CNTN4: variants seen among roughly 807,000 people sequenced by gnomAD.
The protein encoded by CNTN4 is contactin 4.
In CNTN4, 77 loss-of-function variants were observed where a neutral mutation model predicts 122.5. That is an observed-to-expected ratio of 0.63 (90% CI 0.52 to 0.76). The LOEUF is 0.76. Among genes scored for constraint, CNTN4 ranks in the 30% least tolerant of loss-of-function variants. The pLI is 0.00. For synonymous variants in CNTN4, 512 were observed against 447.0 expected (o/e 1.15, Z -1.83); for missense variants, 1,256 against 1,259.1 (o/e 1.00, Z 0.04).
chr3:2,842,081 C>T (rs1382596386), intron 7 of CNTN4, among the ~76,000 whole-genome samples: 1 of 151,966 alleles, frequency 6.6e-6, no homozygotes, highest in African/African-American at 2.4e-5. Flanking sequence ...ATTGTTGAAG[C>T]CATTTTAAGG....
At chr3:2,463,147 A>G (rs959987923) in intron 3 of CNTN4, among the ~76,000 whole-genome samples, 1 of 152,188 alleles carries the variant, frequency 6.6e-6, no homozygotes, top group Non-Finnish European at 1.5e-5. Context: ...ACAAATGTGA[A>G]AAGGCTGAAG....
intron 3 of CNTN4, among the ~76,000 whole-genome samples, chr3:2,451,491 G>GT (rs994771456): frequency 2.0e-5 from 3 of 148,980 alleles, no homozygotes; most frequent in Admixed American, 2.0e-4. Context: ...GTTGAAATCA[G>GT]TTTTTTTTGT....
chr3:2,580,662 C>A (rs2079894190), intron 4 of CNTN4, among the ~76,000 whole-genome samples: 3 of 152,086 alleles, frequency 2.0e-5, no homozygotes, highest in African/African-American at 7.2e-5. Context: ...TCATTTAGTC[C>A]TTGTGAGTCT....
At chr3:2,228,044 T>A (rs2149527572) in intron 2 of CNTN4, among the ~76,000 whole-genome samples, 1 of 147,614 alleles carries the variant, frequency 6.8e-6, no homozygotes, top group East Asian at 2.1e-4. Context: ...TTCCAAAGAT[T>A]ACTAACAGAA....
intron 13 of CNTN4, among the ~76,000 whole-genome samples, chr3:2,952,145 A>G (rs915465052): frequency 2.6e-5 from 4 of 152,238 alleles, no homozygotes; most frequent in Admixed American, 6.5e-5. Context: ...TTAGAAAAAG[A>G]AAGAGGATGA....
chr3:2,267,611 G>A (rs76882992), intron 2 of CNTN4, among the ~76,000 whole-genome samples: 16,252 of 152,030 alleles, frequency 0.11, 978 homozygotes, highest in Middle Eastern at 0.16. Context: ...TGCAGGATTG[G>A]ATGGAACGAT....
At chr3:2,223,218 A>C (rs958575397) in intron 2 of CNTN4, among the ~76,000 whole-genome samples, 9 of 152,158 alleles carry the variant, frequency 5.9e-5, no homozygotes, top group African/African-American at 2.2e-4. Context: ...TAGGTGGACA[A>C]CTTGGAAGGT....
chr3:2,176,459 A>G (rs2036752046), intron 2 of CNTN4, among the ~76,000 whole-genome samples: 5 of 152,136 alleles, frequency 3.3e-5, no homozygotes, highest in Admixed American at 3.3e-4. Flanking sequence ...GGAAAATATA[A>G]CCAGCATGGA....
rs149355012 is a variant in CNTN4 at position 3,050,125 on chromosome 3, G to T, written c.2812-3682G>T. Among the ~76,000 whole-genome samples the T allele has an allele frequency of 1.6e-4, 24 of 152,246 alleles. 1 individual carries two copies. In the East Asian group the frequency reaches 4.4e-3, roughly 28 times the overall value. ...CTCATGGCCTAATTATCTCTTCAAG[G>T]TTCACCTGTTAATACAGTTAAAATG... On this transcript the variant is annotated intron_variant, in intron 23 of 24. Transcript: ENST00000418658.
At chr3:2,664,647 A>T (rs1016039852) in intron 4 of CNTN4, among the ~76,000 whole-genome samples, 1 of 152,178 alleles carries the variant, frequency 6.6e-6, no homozygotes, top group Admixed American at 6.6e-5. Flanking sequence ...ATCAGAGGAA[A>T]GCATTTGTCA....
chr3:2,535,807 C>T (rs1406792937), intron 3 of CNTN4, among the ~76,000 whole-genome samples: 1 of 151,882 alleles, frequency 6.6e-6, no homozygotes, highest in African/African-American at 2.4e-5. Context: ...TTTAAGAGAC[C>T]CCCTCAAAAT....
rs369841728 is a variant in CNTN4 at position 2,150,722 on chromosome 3, A to G, written c.-145+50083A>G. Among the ~76,000 whole-genome samples the G allele has an allele frequency of 5.3e-5, 8 of 152,340 alleles. No individual in the cohort carries two copies. In the East Asian group the frequency reaches 1.5e-3, roughly 29 times the overall value. Reference sequence around the variant, plus strand: ...GGTTTTACTCTTAAAGTCATTCTCAAGCATGTTATCTTGGAAGAGCAGGGC... The same window carrying G: ...GGTTTTACTCTTAAAGTCATTCTCAGGCATGTTATCTTGGAAGAGCAGGGC... On this transcript the variant is annotated intron_variant, in intron 2 of 24. Transcript: ENST00000418658.
Position 2,918,667 on chromosome 3 carries a change from G to T in CNTN4, c.1208-6962G>T, listed in dbSNP as rs577824884. 3.3e-4 allele frequency among the ~76,000 whole-genome samples: 50 copies of T among 152,254 alleles called. No individual in the cohort carries two copies. The South Asian group carries it at 0.01, about 32-fold the overall frequency. ...AAATTCTTTGGTGTTTTATTTTATTGTTTTGTTTTATTTAGAGAGCCACTT... is the reference window on the plus strand; with the variant it reads ...AAATTCTTTGGTGTTTTATTTTATTTTTTTGTTTTATTTAGAGAGCCACTT... On this transcript the variant is annotated intron_variant, in intron 12 of 24. Transcript: ENST00000418658.
chr3:2,471,557 A>T (rs1408802495), intron 3 of CNTN4, among the ~76,000 whole-genome samples: 1 of 152,236 alleles, frequency 6.6e-6, no homozygotes, highest in Non-Finnish European at 1.5e-5. Context: ...CGAAATAGTT[A>T]ATTCAAGGAA....
intron 3 of CNTN4, among the ~76,000 whole-genome samples, chr3:2,525,743 A>C (rs1008761961): frequency 6.6e-6 from 1 of 152,174 alleles, no homozygotes; most frequent in Non-Finnish European, 1.5e-5. Flanking sequence ...GCTTTCTAAG[A>C]ATATTGAAAA....
chr3:2,225,884 G>A (rs573668731), intron 2 of CNTN4, among the ~76,000 whole-genome samples: 8 of 152,136 alleles, frequency 5.3e-5, no homozygotes, highest in Non-Finnish European at 1.2e-4. Context: ...TGACCCTGCT[G>A]TAGTTTTAAA....
intron 3 of CNTN4, among the ~76,000 whole-genome samples, chr3:2,426,964 C>G (rs915074854): frequency 6.6e-6 from 1 of 152,032 alleles, no homozygotes; most frequent in East Asian, 1.9e-4. Context: ...TCTCTCTTTT[C>G]TTCTTTATTA....
chr3:2,300,141 A>G (rs2042451665), intron 2 of CNTN4, among the ~76,000 whole-genome samples: 1 of 152,196 alleles, frequency 6.6e-6, no homozygotes, highest in Non-Finnish European at 1.5e-5. Context: ...GCCCCTGCAA[A>G]CAAGAGCAGA....
intron 6 of CNTN4, among the ~76,000 whole-genome samples, chr3:2,758,781 A>G (rs1335408666): frequency 6.6e-6 from 1 of 152,038 alleles, no homozygotes; most frequent in African/African-American, 2.4e-5. Context: ...TGCTGGAATT[A>G]CAGGCGGGAG....
Sources: gnomAD v4.1 joint callset for allele counts (sites outside exome capture counted in the v4.1 genomes callset) on GRCh38, gnomAD v4.1.1 for gene constraint, MANE v1.5 for transcripts, NCBI Gene and HGNC (gene_info 2026-07-23, HGNC 2026-07-21) for gene names.